Variants in GARNL3 observed in about 807,000 individuals in gnomAD.
The protein encoded by GARNL3 is GTPase activating Rap/RanGAP domain like 3, also known as GTPase-activating Rap/Ran-GAP domain-like protein 3.
In GARNL3, 63 loss-of-function variants were observed where a neutral mutation model predicts 125.0. The ratio of observed to expected loss-of-function variants is 0.50; its 90% CI spans 0.41 to 0.62. GARNL3 has a LOEUF of 0.62. GARNL3 is among the 20% of genes least tolerant of loss of function. The pLI is 0.00. For synonymous variants in GARNL3, 439 were observed against 457.5 expected, an observed-to-expected ratio of 0.96 and a Z score of 0.52; for missense variants, 994 against 1,244.0, an observed-to-expected ratio of 0.80 and a Z score of 3.02.
intron 22 of GARNL3, among the ~76,000 whole-genome samples, chr9:127,367,680 G>A (rs1460347384): frequency 1.3e-5 from 2 of 152,124 alleles, no homozygotes; most frequent in African/African-American, 4.8e-5. Flanking sequence ...CACCTTTAAT[G>A]CAAGTAATTT....
At chr9:127,358,588 A>G (rs890088728) in intron 21 of GARNL3, among the ~76,000 whole-genome samples, 1 of 152,254 alleles carries the variant, frequency 6.6e-6, no homozygotes, top group Non-Finnish European at 1.5e-5. Flanking sequence ...TTAGAGCAAG[A>G]TTTTAAGAAA....
intron 2 of GARNL3, among the ~76,000 whole-genome samples, chr9:127,294,733 A>C (rs1234893068): frequency 1.3e-5 from 2 of 152,214 alleles, no homozygotes; most frequent in South Asian, 2.1e-4. Context: ...TTTTCATATA[A>C]TGTGACAAAA....
At position 127,291,091 on chromosome 9, in the gene GARNL3, C is replaced by G. The variant is rs1366836253; in HGVS notation, c.145-77C>G. ...CTCCAGCCTGTGTCCTTAGATGTGG[C>G]TTACTTATAGGATAATTACATACAG... On this transcript the variant is annotated intron_variant, in intron 1 of 27. Transcript: ENST00000373387. 2.7e-6 allele frequency: 4 copies of G among 1,456,076 alleles called. No individual in the cohort carries two copies. The African/African-American group carries it at 4.2e-5, about 15-fold the overall frequency. 90.2% of individuals were successfully genotyped at this position (1,456,076 alleles called of 1,614,324 possible). A position where few individuals can be genotyped will look rare whatever the true frequency, so the allele number is the denominator to read the frequency against.
intron 22 of GARNL3, among the ~76,000 whole-genome samples, chr9:127,366,375 C>T (rs905817550): frequency 3.3e-5 from 5 of 152,184 alleles, no homozygotes; most frequent in African/African-American, 1.2e-4. Context: ...AACAGCAGGT[C>T]TTTAATGGCC....
Position 127,390,778 on chromosome 9 carries a change from G to A in GARNL3, c.2870+11G>A, listed in dbSNP as rs1564206694. 5 of 1,611,658 alleles carry A rather than the reference G, an allele frequency of 3.1e-6. No homozygotes were observed. Among genetic ancestry groups the A allele is most frequent in the Non-Finnish European group, 4.2e-6 (5 of 1,178,854 alleles). Reference sequence around the variant, plus strand: ...ATCTAGCAGTGACAGGTAAAGAGAGGGAGAGGCCCCTGCTTGGGGTGGTGG... The same window carrying A: ...ATCTAGCAGTGACAGGTAAAGAGAGAGAGAGGCCCCTGCTTGGGGTGGTGG... On this transcript the variant is annotated intron_variant, in intron 27 of 27. Transcript: ENST00000373387.
In GARNL3 at chr9:127,311,785, G is replaced by A. The variant is rs200369774; in HGVS notation, c.319+50G>A. On this transcript the variant is annotated intron_variant, in intron 3 of 27. Transcript: ENST00000373387. The stretch of plus-strand genomic sequence containing the variant: ...GGAAGAAAGGGTATTCAAAATGGAA[G>A]TTAGTGTTCATATAACTTCTGGTAT... The A allele has an allele frequency of 3.9e-6, 5 of 1,290,512 alleles. No homozygotes were observed. The East Asian group carries it at 9.3e-5, about 24-fold the overall frequency. 79.9% of individuals were successfully genotyped at this position (1,290,512 alleles called of 1,614,324 possible).
chr9:127,333,332 T>C (rs957910693), intron 9 of GARNL3, among the ~76,000 whole-genome samples: 2 of 152,196 alleles, frequency 1.3e-5, no homozygotes, highest in African/African-American at 4.8e-5. Flanking sequence ...CTCACAGCCC[T>C]GGACAGTGTC....
chr9:127,318,062 G>A lies in GARNL3; in HGVS notation c.439-1G>A. On this transcript the variant is annotated splice_acceptor_variant, in intron 4 of 27. Transcript: ENST00000373387. LOFTEE classifies it high-confidence loss of function. The stretch of plus-strand genomic sequence containing the variant: ...CTGATTTGATGTTTGGACTTTTCCA[G>A]GGTACCCAGAAAATATGCCTTCCCT... 1 of 1,597,380 alleles carries A rather than the reference G, an allele frequency of 6.3e-7. No individual in the cohort carries two copies. The highest frequency in any genetic ancestry group is 2.2e-5 in the East Asian group (1 of 44,806).
chr9:127,319,299 A>G (rs1016077620), intron 5 of GARNL3, among the ~76,000 whole-genome samples: 2 of 152,078 alleles, frequency 1.3e-5, no homozygotes, highest in African/African-American at 4.8e-5. Flanking sequence ...CCTGGCCAAT[A>G]TAGTGAAACC....
At chr9:127,226,390 C>T (rs903229355) in intron 1 of GARNL3, among the ~76,000 whole-genome samples, 1 of 152,258 alleles carries the variant, frequency 6.6e-6, no homozygotes, top group Non-Finnish European at 1.5e-5. Flanking sequence ...ACCCTTGGCG[C>T]TCCAGCAGTA....
intron 2 of GARNL3, among the ~76,000 whole-genome samples, chr9:127,254,815 TA>T (rs1167035204): frequency 6.4e-5 from 9 of 139,588 alleles, no homozygotes; most frequent in African/African-American, 2.4e-4. Flanking sequence ...ACCAATAACA[TA>T]CAAAAAAGGA....
At position 127,248,058 on chromosome 9, in the gene GARNL3, C is replaced by T. The variant is rs530465131; in HGVS notation, c.143+4809C>T. ...TTGTATTTTAGACCCTTTTTAATAGCCTTCAGAAGCTTTGAAATACCTAGT... is the reference window on the plus strand; with the variant it reads ...TTGTATTTTAGACCCTTTTTAATAGTCTTCAGAAGCTTTGAAATACCTAGT... On this transcript the variant is annotated intron_variant, in intron 2 of 10. Coordinates refer to the GARNL3 transcript ENST00000439286. 9.2e-5 allele frequency among the ~76,000 whole-genome samples: 14 copies of T among 152,250 alleles called. No individual in the cohort carries two copies. In the East Asian group the frequency reaches 2.5e-3, roughly 27 times the overall value.
rs16929750 is a variant in GARNL3 at position 127,286,855 on chromosome 9, G to A, written c.145-4313G>A. Among the ~76,000 whole-genome samples, 1,427 of 152,222 alleles carry A rather than the reference G, an allele frequency of 9.4e-3. 25 individuals carry two copies. The highest frequency in any genetic ancestry group is 0.032 in the African/African-American group (1,335 of 41,522). ...TGATTCTTCCTTATTGGGTGTATTA[G>A]TTGGCTTAGAACGTCACAGTGCGGT... On this transcript the variant is annotated intron_variant, in intron 1 of 27. Coordinates refer to ENST00000373387, the MANE Select transcript of GARNL3 (RefSeq NM_032293.5).
chr9:127,368,599 G>A lies in GARNL3; in HGVS notation c.2161+3233G>A, dbSNP rs990519919. On this transcript the variant is annotated intron_variant, in intron 22 of 27. Coordinates refer to ENST00000373387, the MANE Select transcript of GARNL3 (RefSeq NM_032293.5). ...ACCTGCCTCAGCCTCCCAAAGTGCT[G>A]GGATTACAGGCGTGAACCACTGTGC... is the stretch of plus-strand genomic sequence containing the variant. Among the ~76,000 whole-genome samples, 6 of 151,068 alleles carry A rather than the reference G, an allele frequency of 4.0e-5. No homozygotes were observed. The South Asian group carries it at 8.4e-4, about 21-fold the overall frequency.
intron 17 of GARNL3, 134 bp downstream of exon 17, chr9:127,349,169 T>G (rs1588906084): frequency 4.4e-6 from 3 of 678,476 alleles, no homozygotes; most frequent in Non-Finnish European, 7.9e-6. Context: ...TTTTATTTCC[T>G]TATGAAATTA....
At chr9:127,355,603 TCTGGTGCC>T (rs1830647044) in intron 20 of GARNL3, 131 bp downstream of exon 20, 1 of 791,722 alleles carries the variant, frequency 1.3e-6, no homozygotes, top group African/African-American at 1.7e-5. Context: ...AACCCTCATC[TCTGGTGCC>T]CTTGTTTCCC....
chr9:127,286,839 C>T (rs2064262946), intron 1 of GARNL3, among the ~76,000 whole-genome samples: 1 of 152,008 alleles, frequency 6.6e-6, no homozygotes, highest in Non-Finnish European at 1.5e-5. Flanking sequence ...TTGATTCTTC[C>T]TTATTGGGTG....
rs1277627718 is a variant in GARNL3 at position 127,385,224 on chromosome 9, G to A, written c.2388+79G>A. 4 of 802,656 alleles carry A rather than the reference G, an allele frequency of 5.0e-6. No homozygotes were observed. The highest frequency in any genetic ancestry group is 5.2e-5 in the Admixed American group (2 of 38,662). 49.7% of individuals were successfully genotyped at this position (802,656 alleles called of 1,614,324 possible). ...GGGATTTCAGGTGAGCACAGAAGCC[G>A]CCTCTTGTCAAGTTAGGCTGATGAA... On this transcript the variant is annotated intron_variant, in intron 24 of 27. Transcript: ENST00000373387. The surrounding 1 kb of genome is among the most constrained non-coding windows in gnomAD (Gnocchi z 4.1).
chr9:127,352,094 T>C (rs1168847978), intron 17 of GARNL3, among the ~76,000 whole-genome samples: 3 of 152,236 alleles, frequency 2.0e-5, no homozygotes, highest in Non-Finnish European at 4.4e-5. Context: ...CCTGGAGTGC[T>C]GTTGCTGCTG....
Sources: gnomAD v4.1 joint callset for allele counts (sites outside exome capture counted in the v4.1 genomes callset) on GRCh38, gnomAD v4.1.1 for gene constraint, Gnocchi (gnomAD v3.1) non-coding constraint, MANE v1.5 for transcripts, NCBI Gene and HGNC (gene_info 2026-07-23, HGNC 2026-07-21) for gene names.